TNNI3K: variants seen among roughly 807,000 people sequenced by gnomAD.
TNNI3K encodes TNNI3 interacting kinase, also known as serine/threonine-protein kinase TNNI3K.
TNNI3K carries 140 observed loss-of-function variants against 114.5 expected under a neutral mutation model. That is an observed-to-expected ratio of 1.22 (90% CI 1.07 to 1.41). The LOEUF (loss-of-function observed/expected upper bound fraction) is 1.41. Among genes scored for constraint, TNNI3K ranks in the 40% most tolerant of loss-of-function variants. TNNI3K has a pLI of 0.00. For synonymous variants in TNNI3K, 347 were observed against 347.5 expected (o/e 1.00, Z 0.02); for missense variants, 1,125 against 1,007.6 (o/e 1.12, Z -1.58).
At chr1:74,379,582 C>T (rs1255310998) in intron 17 of TNNI3K, among the ~76,000 whole-genome samples, 2 of 152,106 alleles carry the variant, frequency 1.3e-5, no homozygotes, top group Non-Finnish European at 2.9e-5. Context: ...TGTCTGTCCT[C>T]AGCAACCTGA....
intron 11 of TNNI3K, among the ~76,000 whole-genome samples, chr1:74,364,259 C>T (rs930007245): frequency 6.6e-6 from 1 of 151,790 alleles, no homozygotes; most frequent in Non-Finnish European, 1.5e-5. Context: ...TCCACCTCAG[C>T]CCCACAAAAC....
intron 23 of TNNI3K, among the ~76,000 whole-genome samples, chr1:74,524,343 C>T (rs1220749280): frequency 6.6e-6 from 1 of 152,160 alleles, no homozygotes; most frequent in Non-Finnish European, 1.5e-5. Flanking sequence ...GGGGGCTTGG[C>T]CCATTAGATA....
rs374747907 is a variant in TNNI3K, at chr1:74,543,962, A to G, written c.2488A>G (p.Ser830Gly). 1 of 1,613,282 alleles carries G rather than the reference A, an allele frequency of 6.2e-7. No homozygotes were observed. Among genetic ancestry groups the G allele is most frequent in the Non-Finnish European group, 8.5e-7 (1 of 1,179,710 alleles). ...TTTTCATTCTTGCCGAAATAGTAGCAGCTTTGAGGACAGCAGCTGACAGCA... is the reference window on the plus strand; with the variant it reads ...TTTTCATTCTTGCCGAAATAGTAGCGGCTTTGAGGACAGCAGCTGACAGCA... Reference protein sequence around the residue: ...MHFHSCRNSSSFEDSS With the variant: ...MHFHSCRNSSGFEDSS Residue 830 changes from serine (S) to glycine (G), a missense_variant, in exon 25 of 25, where the codon AGC (serine) becomes GGC (glycine). Ser to Gly is a moderately conservative substitution (Grantham distance 56). Coordinates refer to ENST00000326637, the MANE Select transcript of TNNI3K (RefSeq NM_015978.3).
intron 20 of TNNI3K, among the ~76,000 whole-genome samples, chr1:74,454,274 T>A (rs1247391936): frequency 6.6e-6 from 1 of 152,172 alleles, no homozygotes; most frequent in Non-Finnish European, 1.5e-5. Flanking sequence ...TATTGTTAAC[T>A]ATAGTCACTC....
At chr1:74,541,135 G>A (rs968090990) in intron 24 of TNNI3K, among the ~76,000 whole-genome samples, 2 of 152,102 alleles carry the variant, frequency 1.3e-5, no homozygotes, top group Non-Finnish European at 2.9e-5. Context: ...AAAGAGATCA[G>A]ATTTATTATA....
At chr1:74,541,357 A>G (rs558851515) in intron 24 of TNNI3K, among the ~76,000 whole-genome samples, 91 of 152,296 alleles carry the variant, frequency 6.0e-4, no homozygotes, top group African/African-American at 1.8e-3. Context: ...AAAAAGGGAA[A>G]TTTTGTGCTT....
intron 5 of TNNI3K, among the ~76,000 whole-genome samples, chr1:74,330,346 C>T (rs1181156364): frequency 1.3e-5 from 2 of 152,082 alleles, no homozygotes; most frequent in Admixed American, 1.3e-4. Context: ...CAAGAGATAA[C>T]TCTAGACACT....
chr1:74,518,873 C>CTTTTTTTTTTTTTTTTTTTTTTTTTT (rs1646388103), intron 23 of TNNI3K, among the ~76,000 whole-genome samples: 1 of 100,358 alleles, frequency 1.0e-5, no homozygotes, highest in Non-Finnish European at 1.8e-5. Flanking sequence ...TTTTTTTTCC[C>CTTTTTTTTTTTTTTTTTTTTTTTTTT]CTTTTTTTTT....
chr1:74,336,632 A>G (rs1406438465), intron 7 of TNNI3K, among the ~76,000 whole-genome samples: 1 of 151,664 alleles, frequency 6.6e-6, no homozygotes, highest in Non-Finnish European at 1.5e-5. Context: ...TAGTTTACTG[A>G]GAATGATGAT....
At chr1:74,323,270 G>A (rs1439469484) in intron 5 of TNNI3K, among the ~76,000 whole-genome samples, 1 of 152,080 alleles carries the variant, frequency 6.6e-6, no homozygotes, top group African/African-American at 2.4e-5. Flanking sequence ...CAGCATGGGT[G>A]CCTTTTGGTG....
chr1:74,284,504 G>A (rs1343168618), intron 5 of TNNI3K, among the ~76,000 whole-genome samples: 1 of 152,066 alleles, frequency 6.6e-6, no homozygotes, highest in Non-Finnish European at 1.5e-5. Flanking sequence ...TGTGGTTTTT[G>A]CCATTATTTT....
chr1:74,309,565 T>A (rs957023621), intron 5 of TNNI3K, among the ~76,000 whole-genome samples: 1 of 151,744 alleles, frequency 6.6e-6, no homozygotes, highest in African/African-American at 2.4e-5. Flanking sequence ...TTCAACAATA[T>A]ACTAGAAAAC....
At chr1:74,347,820 T>C (rs1661101291) in intron 9 of TNNI3K, among the ~76,000 whole-genome samples, 1 of 152,334 alleles carries the variant, frequency 6.6e-6, no homozygotes, top group African/African-American at 2.4e-5. Context: ...TGTCTGTTCA[T>C]ATCCTTCACC....
chr1:74,265,620 A>G (rs1017225120), intron 4 of TNNI3K, among the ~76,000 whole-genome samples: 40 of 152,196 alleles, frequency 2.6e-4, no homozygotes, highest in African/African-American at 9.4e-4. Flanking sequence ...GAAATTACCT[A>G]TATGTAGAAT....
chr1:74,315,345 A>T (rs903453013), intron 5 of TNNI3K, among the ~76,000 whole-genome samples: 17 of 152,142 alleles, frequency 1.1e-4, no homozygotes, highest in Non-Finnish European at 2.2e-4. Flanking sequence ...CCATTAGAGG[A>T]TGAATAATAT....
intron 17 of TNNI3K, among the ~76,000 whole-genome samples, chr1:74,395,612 G>A (rs1298254207): frequency 6.6e-6 from 1 of 152,174 alleles, no homozygotes; most frequent in Non-Finnish European, 1.5e-5. Context: ...TGACTGAGAT[G>A]TATCTAAGAT....
chr1:74,422,815 A>C (rs1665462909), intron 17 of TNNI3K, among the ~76,000 whole-genome samples: 1 of 152,156 alleles, frequency 6.6e-6, no homozygotes, highest in African/African-American at 2.4e-5. Flanking sequence ...GCAGGGATAA[A>C]GCACAGAATA....
intron 9 of TNNI3K, among the ~76,000 whole-genome samples, chr1:74,349,632 A>C (rs1661219895): frequency 6.6e-6 from 1 of 152,190 alleles, no homozygotes; most frequent in African/African-American, 2.4e-5. Flanking sequence ...GCTATTGATT[A>C]TTGCCTCAAT....
chr1:74,368,663 G>A (rs142914456), intron 13 of TNNI3K, among the ~76,000 whole-genome samples: 1 of 151,944 alleles, frequency 6.6e-6, no homozygotes, highest in Non-Finnish European at 1.5e-5. Flanking sequence ...GAATAGATCA[G>A]GAATAGACCT....
Sources: allele counts gnomAD v4.1 joint callset (sites outside exome capture counted in the v4.1 genomes callset), GRCh38; gene constraint gnomAD v4.1.1; transcripts MANE v1.5; gene names NCBI Gene and HGNC (gene_info 2026-07-23, HGNC 2026-07-21).